CTNNA3: variants seen among roughly 807,000 people sequenced by gnomAD.
CTNNA3 encodes the protein catenin alpha-3.
A neutral mutation model predicts 95.7 loss-of-function variants in CTNNA3; 76 were observed. The observed-to-expected ratio is 0.79, with a 90% CI of 0.66 to 0.96. The LOEUF (loss-of-function observed/expected upper bound fraction) is 0.96. CTNNA3 is among the 40% of genes least tolerant of loss of function. The probability of loss-of-function intolerance (pLI) is 0.00; values close to 1 mark genes in which losing one functional copy is unlikely to be tolerated. For synonymous variants in CTNNA3, 431 were observed against 374.4 expected, an observed-to-expected ratio of 1.15 and a Z score of -1.74; for missense variants, 1,191 against 1,089.8, an observed-to-expected ratio of 1.09 and a Z score of -1.31.
Position 67,684,938 on chromosome 10 carries a change from C to T in CTNNA3, c.-6+11062G>A, listed in dbSNP as rs141883424. On this transcript the variant is annotated intron_variant, in intron 1 of 17. Transcript: ENST00000433211. ...GAAGCCTTTTCCTGTAAACGCTGGG[C>T]GGCATCTTGTACTATCCCTGACTGG... is the stretch of plus-strand genomic sequence containing the variant. Among the ~76,000 whole-genome samples, 1,489 of 152,238 alleles carry T rather than the reference C, an allele frequency of 9.8e-3. 14 individuals carry two copies. Among genetic ancestry groups the T allele is most frequent in the Non-Finnish European group, 0.014 (941 of 68,014 alleles).
intron 13 of CTNNA3, among the ~76,000 whole-genome samples, chr10:66,233,958 T>C (rs941978092): frequency 6.6e-6 from 1 of 152,198 alleles, no homozygotes; most frequent in Admixed American, 6.5e-5. Context: ...TAGTTGAATT[T>C]CACAAACTAT....
At chr10:66,862,783 T>A (rs907252220) in intron 7 of CTNNA3, among the ~76,000 whole-genome samples, 1 of 152,162 alleles carries the variant, frequency 6.6e-6, no homozygotes, top group Non-Finnish European at 1.5e-5. Context: ...TTCTGAGCAT[T>A]TCTGTGAAGG....
In CTNNA3 at chr10:66,899,061, T is replaced by C. The variant is rs952443734; in HGVS notation, c.1048-123537A>G. 7.2e-5 allele frequency among the ~76,000 whole-genome samples: 11 copies of C among 152,276 alleles called. No individual in the cohort carries two copies. The South Asian group carries it at 1.4e-3, about 20-fold the overall frequency. On this transcript the variant is annotated intron_variant, in intron 7 of 17. Transcript: ENST00000433211. The stretch of plus-strand genomic sequence containing the variant: ...ATTAAAAATGGGCAAAGGACTTCAA[T>C]AGACATTTCTTCAAAGAACACATAA...
At chr10:66,395,225 T>C (rs1334066092) in intron 11 of CTNNA3, among the ~76,000 whole-genome samples, 1 of 152,038 alleles carries the variant, frequency 6.6e-6, no homozygotes, top group East Asian at 1.9e-4. Flanking sequence ...CATTTTTCTC[T>C]TATATTTTGC....
At chr10:67,580,643 T>G (rs1167594034) in intron 3 of CTNNA3, among the ~76,000 whole-genome samples, 2 of 150,978 alleles carry the variant, frequency 1.3e-5, no homozygotes, top group East Asian at 1.9e-4. Flanking sequence ...ATAAATTACC[T>G]TGGGCAGTAT....
chr10:67,677,934 G>A (rs1840563378), intron 1 of CTNNA3, among the ~76,000 whole-genome samples: 1 of 152,118 alleles, frequency 6.6e-6, no homozygotes. Context: ...TAGGAGAAGA[G>A]TTGCCCCGAT....
intron 5 of CTNNA3, among the ~76,000 whole-genome samples, chr10:67,354,049 C>T (rs1211327192): frequency 6.6e-6 from 1 of 152,062 alleles, no homozygotes; most frequent in East Asian, 1.9e-4. Flanking sequence ...AAACTTCTAA[C>T]ATTAACAATT....
intron 7 of CTNNA3, among the ~76,000 whole-genome samples, chr10:66,960,182 T>G (rs1320234341): frequency 6.6e-6 from 1 of 152,168 alleles, no homozygotes; most frequent in Non-Finnish European, 1.5e-5. Flanking sequence ...ATAAAGTGAT[T>G]ATAATAAAAC....
At chr10:67,235,580 T>A (rs1254186371) in intron 5 of CTNNA3, among the ~76,000 whole-genome samples, 2 of 141,020 alleles carry the variant, frequency 1.4e-5, no homozygotes, top group African/African-American at 2.8e-5. Flanking sequence ...AACCTAGGCA[T>A]TACCATTCAG....
chr10:66,859,113 T>C (rs902340201), intron 7 of CTNNA3, among the ~76,000 whole-genome samples: 2 of 152,194 alleles, frequency 1.3e-5, no homozygotes, highest in East Asian at 1.9e-4. Flanking sequence ...TGTATTCAAA[T>C]GTATAATAGG....
intron 2 of CTNNA3, among the ~76,000 whole-genome samples, chr10:67,624,349 C>A (rs1843954588): frequency 6.6e-6 from 1 of 152,142 alleles, no homozygotes; most frequent in Non-Finnish European, 1.5e-5. Context: ...GCTCTGCGGG[C>A]CCAACAAACT....
chr10:66,683,879 A>G (rs1847153639), intron 9 of CTNNA3, among the ~76,000 whole-genome samples: 1 of 152,178 alleles, frequency 6.6e-6, no homozygotes, highest in Non-Finnish European at 1.5e-5. Flanking sequence ...CACAATAATC[A>G]GACAAAACCC....
chr10:66,497,990 C>A (rs1214649981), intron 11 of CTNNA3, among the ~76,000 whole-genome samples: 1 of 152,020 alleles, frequency 6.6e-6, no homozygotes, highest in East Asian at 1.9e-4. Flanking sequence ...GGTCAGTTCC[C>A]AAATTTATGT....
At chr10:66,058,701 A>G (rs1403547806) in intron 15 of CTNNA3, among the ~76,000 whole-genome samples, 1 of 152,132 alleles carries the variant, frequency 6.6e-6, no homozygotes, top group African/African-American at 2.4e-5. Flanking sequence ...CTTAAAATGG[A>G]CAGAGTAAGA....
At chr10:67,303,486 C>T (rs1840412734) in intron 5 of CTNNA3, among the ~76,000 whole-genome samples, 1 of 152,186 alleles carries the variant, frequency 6.6e-6, no homozygotes, top group Non-Finnish European at 1.5e-5. Context: ...GGAGATCCGG[C>T]ATGCAGGCCT....
chr10:66,730,738 C>T (rs188524969), intron 9 of CTNNA3, among the ~76,000 whole-genome samples: 1 of 152,088 alleles, frequency 6.6e-6, no homozygotes, highest in African/African-American at 2.4e-5. Context: ...AGAATAAGAC[C>T]TTGAGTGACT....
At chr10:66,993,001 C>A (rs1851123307) in intron 7 of CTNNA3, among the ~76,000 whole-genome samples, 1 of 152,022 alleles carries the variant, frequency 6.6e-6, no homozygotes, top group Non-Finnish European at 1.5e-5. Flanking sequence ...CAAAACAAAA[C>A]AGTGGAGGTT....
At chr10:65,966,513 T>C in intron 17 of CTNNA3, 99 bp downstream of exon 17, 1 of 1,055,890 alleles carries the variant, frequency 9.5e-7, no homozygotes, top group East Asian at 2.7e-5. Flanking sequence ...TTTTCTAAAC[T>C]AATTTTACCT....
intron 5 of CTNNA3, among the ~76,000 whole-genome samples, chr10:67,381,865 TTC>T (rs947665441): frequency 7.2e-5 from 11 of 152,194 alleles, no homozygotes; most frequent in African/African-American, 2.7e-4. Flanking sequence ...CTGCCTTGTT[TTC>T]TTTCTTTTTT....
Sources: allele counts gnomAD v4.1 joint callset (sites outside exome capture counted in the v4.1 genomes callset), GRCh38; gene constraint gnomAD v4.1.1; transcripts MANE v1.5; gene names NCBI Gene and HGNC (gene_info 2026-07-23, HGNC 2026-07-21).